KRT72: variants seen among roughly 807,000 people sequenced by gnomAD.
KRT72 encodes keratin, type II cytoskeletal 72.
KRT72 carries 44 observed loss-of-function variants against 44.7 expected under a neutral mutation model. The observed-to-expected ratio is 0.98, with a 90% CI of 0.77 to 1.27. The LOEUF is 1.27. Ranked by LOEUF, KRT72 falls within the 50% of genes most tolerant of loss-of-function variation. The pLI, the probability that KRT72 is intolerant of heterozygous loss-of-function variation, is 0.00. For missense variants in KRT72, 736 were observed against 667.1 expected (o/e 1.10, Z -1.14); for synonymous variants, 302 against 280.4 (o/e 1.08, Z -0.77).
At chr12:52,591,016 G>T in intron 5 of KRT72, 55 bp from the exon 6 acceptor site, 3 of 1,487,844 alleles carry the variant, frequency 2.0e-6, no homozygotes, top group Non-Finnish European at 2.7e-6. Flanking sequence ...AACTAGGGCA[G>T]GTCCCTTTTC....
chr12:52,594,278 T>A (rs752842132), intron 2 of KRT72, among the ~76,000 whole-genome samples: 1 of 152,204 alleles, frequency 6.6e-6, no homozygotes, highest in African/African-American at 2.4e-5. Flanking sequence ...CAAAGGATTA[T>A]AAATCATGCT....
chr12:52,601,400 C>T lies in KRT72; in HGVS notation c.53G>A (p.Gly18Asp), dbSNP rs1377564230. Residue 18 changes from glycine to aspartate, a missense_variant, in exon 1 of 9, where the codon GGT becomes GAT. Physicochemically the swap from Gly to Asp is moderately conservative, Grantham distance 94. Coordinates refer to ENST00000293745, the MANE Select transcript of KRT72 (RefSeq NM_080747.3). ...CCCGCCAGAGAGGACCGCGGAGCAACCGCTGAAGCCCAGGCGCTCCCCGCG... is the reference window on the plus strand; with the variant it reads ...CCCGCCAGAGAGGACCGCGGAGCAATCGCTGAAGCCCAGGCGCTCCCCGCG... Reference protein sequence around the residue: ...FPRGERLGFSGCSAVLSGGIG... With the variant: ...FPRGERLGFSDCSAVLSGGIG... 3.2e-6 allele frequency: 5 copies of T among 1,541,266 alleles called. No individual in the cohort carries two copies. Among genetic ancestry groups the T allele is most frequent in the Non-Finnish European group, 4.4e-6 (5 of 1,147,196 alleles).
chr12:52,596,788 T>C (rs533815032), intron 2 of KRT72, among the ~76,000 whole-genome samples: 4 of 152,282 alleles, frequency 2.6e-5, no homozygotes, highest in African/African-American at 9.6e-5. Context: ...TGAGCTCAAA[T>C]GATCCACGTG....
intron 2 of KRT72, among the ~76,000 whole-genome samples, chr12:52,593,489 TGATTGGGGAGGTAAGAGTA>T (rs1940129347): frequency 6.6e-6 from 1 of 152,240 alleles, no homozygotes; most frequent in African/African-American, 2.4e-5. Context: ...GACATATTGT[TGATTGGGGAGGTAAGAGTA>T]CTAACCATTT....
chr12:52,598,959 C>T lies in KRT72; in HGVS notation c.580G>A (p.Gly194Arg), dbSNP rs142970524. 1,046 of 1,614,184 alleles carry T rather than the reference C, an allele frequency of 6.5e-4. 1 individual carries two copies. Among genetic ancestry groups the T allele is most frequent in the Non-Finnish European group, 8.0e-4 (942 of 1,180,036 alleles). The change falls in exon 2 of 9, where the codon GGG (glycine) becomes AGG (arginine). Residue 194 changes from glycine (G) to arginine (R), a missense_variant. Coordinates refer to ENST00000293745, the MANE Select transcript of KRT72 (RefSeq NM_080747.3). ...QKQLEMLSGDGVRLDSELRNM... is the reference protein window; with the variant it reads ...QKQLEMLSGDRVRLDSELRNM... ...CTCAGCTCCGAATCCAGCCTCACCC[C>T]GTCCCCAGACAGCATCTCCAGCTGC...
intron 5 of KRT72, 50 bp from the exon 6 acceptor site, chr12:52,591,011 G>C: frequency 6.7e-7 from 1 of 1,501,664 alleles, no homozygotes; most frequent in South Asian, 1.4e-5. Flanking sequence ...TACTGAACTA[G>C]GGCAGGTCCC....
At chr12:52,588,199 G>A (rs11170184) in intron 6 of KRT72, among the ~76,000 whole-genome samples, 52,681 of 152,172 alleles carry the variant, frequency 0.35, 9,797 homozygotes, top group East Asian at 0.59. Flanking sequence ...AAGTCTCTGA[G>A]CAGCTAGATT....
rs901488071 is a variant in KRT72, at chr12:52,587,541, G to C, written c.1310+90C>G. On this transcript the variant is annotated intron_variant, in intron 7 of 8. Coordinates refer to ENST00000293745, the MANE Select transcript of KRT72 (RefSeq NM_080747.3). Reference sequence around the variant, plus strand: ...TTGCTGTATGGTTTTACTTCAGTAGGACCTAAACAGGACCAAACTGTTTGC... The same window carrying C: ...TTGCTGTATGGTTTTACTTCAGTAGCACCTAAACAGGACCAAACTGTTTGC... 63 of 1,357,542 alleles carry C rather than the reference G, an allele frequency of 4.6e-5. No individual in the cohort carries two copies. The Middle Eastern group carries it at 3.6e-3, about 78-fold the overall frequency. The allele number at this position is 1,357,542 out of a possible 1,614,324, so 84.1% of individuals were successfully genotyped here. A position where few individuals can be genotyped will look rare whatever the true frequency, so the allele number is the denominator to read the frequency against.
chr12:52,588,097 G>A (rs1032139734), intron 6 of KRT72, among the ~76,000 whole-genome samples: 10 of 152,216 alleles, frequency 6.6e-5, no homozygotes, highest in Admixed American at 2.6e-4. Context: ...GGGAAGGCAC[G>A]GAGAAAGAGG....
intron 1 of KRT72, among the ~76,000 whole-genome samples, chr12:52,600,682 T>A (rs1257080863): frequency 2.0e-5 from 3 of 152,104 alleles, no homozygotes; most frequent in Admixed American, 6.5e-5. Context: ...CCGTTATGAT[T>A]CTGAGACCTC....
intron 2 of KRT72, among the ~76,000 whole-genome samples, chr12:52,598,026 C>G (rs2120802137): frequency 6.6e-6 from 1 of 152,314 alleles, no homozygotes; most frequent in East Asian, 1.9e-4. Context: ...GCTTGCATCT[C>G]TAGTTGGGCT....
Position 52,590,946 on chromosome 12 carries a change from C to T in KRT72, c.979G>A (p.Val327Ile), listed in dbSNP as rs117715179. 1.9e-6 allele frequency: 3 copies of T among 1,595,818 alleles called. No homozygotes were observed. Reference protein sequence around the residue: ...LYQTKIQELQVTAGQHGDDLK... With the variant: ...LYQTKIQELQITAGQHGDDLK... Reference sequence around the variant, plus strand: ...TCATCCCCATGCTGGCCTGCTGTGACCTGCAGCTCCTGGATCTGAGGTTGG... The same window carrying T: ...TCATCCCCATGCTGGCCTGCTGTGATCTGCAGCTCCTGGATCTGAGGTTGG... The change falls in exon 6 of 9, where the codon GTC becomes ATC. Residue 327 changes from valine (V) to isoleucine (I), a missense_variant. By Grantham distance (29) the Val-to-Ile change is conservative. Transcript: ENST00000293745.
intron 6 of KRT72, among the ~76,000 whole-genome samples, chr12:52,589,403 T>C (rs2120730837): frequency 6.6e-6 from 1 of 152,286 alleles, no homozygotes; most frequent in Non-Finnish European, 1.5e-5. Flanking sequence ...CTTGGGACTG[T>C]AGAAGTTTTA....
rs745529729 is a variant in KRT72, at chr12:52,596,892, TA to T, written c.641+2005del. Reference sequence around the variant, plus strand: ...GCATATTTTGTGATAGGGTGATCAATAAAAGACTTAGAGGCATAAAAATATA... The same window carrying T: ...GCATATTTTGTGATAGGGTGATCAATAAAGACTTAGAGGCATAAAAATATA... On this transcript the variant is annotated intron_variant, in intron 2 of 8. Coordinates refer to ENST00000293745, the MANE Select transcript of KRT72 (RefSeq NM_080747.3). Among the ~76,000 whole-genome samples, 29 of 152,246 alleles carry T rather than the reference TA, an allele frequency of 1.9e-4. No homozygotes were observed. In the East Asian group the frequency reaches 5.4e-3, roughly 28 times the overall value.
At position 52,591,538 on chromosome 12, in the gene KRT72, C is replaced by A. The variant is rs1380369615; in HGVS notation, c.889G>T (p.Ala297Ser). 1 of 1,613,996 alleles carries A rather than the reference C, an allele frequency of 6.2e-7. No homozygotes were observed. Among genetic ancestry groups the A allele is most frequent in the African/African-American group, 1.3e-5 (1 of 74,934 alleles). ...NRDLDLDSII[A>S]EVRAQYEEIA... ...TCCTCGTACTGGGCACGGACCTCGGCAATGATGCTGTCCAGGTCCAGATCC... is the reference window on the plus strand; with the variant it reads ...TCCTCGTACTGGGCACGGACCTCGGAAATGATGCTGTCCAGGTCCAGATCC... The change falls in exon 5 of 9, where the codon GCC (alanine) becomes TCC (serine). Residue 297 changes from alanine (A) to serine (S), a missense_variant. By Grantham distance (99) the Ala-to-Ser change is moderately conservative (BLOSUM62 1). Transcript: ENST00000293745.
In KRT72 at chr12:52,587,792, T is replaced by C; in HGVS notation, c.1149A>G (p.Lys383=). 1 of 1,614,186 alleles carries C rather than the reference T, an allele frequency of 6.2e-7. No individual in the cohort carries two copies. The highest frequency in any genetic ancestry group is 8.5e-7 in the Non-Finnish European group (1 of 1,180,028). The change falls in exon 7 of 9, where the codon AAA becomes AAG. Residue 383 remains lysine (K), a synonymous_variant. Transcript: ENST00000293745. ...GCTCATCCAGCTTGGCCCGGGCATC[T>C]TTCAGGGCGCAGTCCCCCCGCTGTT... is the stretch of plus-strand genomic sequence containing the variant. ...DAEQRGDCAL[K]DARAKLDELE...
intron 2 of KRT72, among the ~76,000 whole-genome samples, chr12:52,597,446 T>C (rs1435537710): frequency 1.3e-5 from 2 of 152,182 alleles, no homozygotes; most frequent in Non-Finnish European, 2.9e-5. Flanking sequence ...GTGGAAGAGA[T>C]GGGTGATAAA....
rs1940200664 is a variant in KRT72 at position 52,595,526 on chromosome 12, A to C, written c.642-2574T>G. Among the ~76,000 whole-genome samples the C allele has an allele frequency of 2.6e-5, 4 of 152,330 alleles. No individual in the cohort carries two copies. In the South Asian group the frequency reaches 8.3e-4, roughly 32 times the overall value. ...GGATTTTTCTGATGAAAAGCAACTC[A>C]TGTCTCTGATTTGAATATGAAAATT... On this transcript the variant is annotated intron_variant, in intron 2 of 8. Transcript: ENST00000293745.
chr12:52,586,062 C>A lies in KRT72; in HGVS notation c.1456G>T (p.Gly486Cys). ...TCCTTGAGCTCACTGCCACAGCTGC[C>A]TTTGGTCTTGACGTCTGCAGCTGCA... ...KTAAADVKTK[G>C]SCGSELKDPL... The change falls in exon 9 of 9, where the codon GGC (glycine) becomes TGC (cysteine). Residue 486 changes from glycine to cysteine, a missense_variant. Gly to Cys is a radical substitution (Grantham distance 159). Coordinates refer to ENST00000293745, the MANE Select transcript of KRT72 (RefSeq NM_080747.3). 1 of 1,614,214 alleles carries A rather than the reference C, an allele frequency of 6.2e-7. No homozygotes were observed. The highest frequency in any genetic ancestry group is 2.2e-5 in the East Asian group (1 of 44,874).
Sources: allele counts gnomAD v4.1 joint callset (sites outside exome capture counted in the v4.1 genomes callset), GRCh38; gene constraint gnomAD v4.1.1; transcripts MANE v1.5; gene names NCBI Gene and HGNC (gene_info 2026-07-23, HGNC 2026-07-21).